UNC5B: variants seen among roughly 807,000 people sequenced by gnomAD.
UNC5B encodes unc-5 netrin receptor B.
UNC5B carries 56 observed loss-of-function variants against 103.7 expected under a neutral mutation model. The observed-to-expected ratio is 0.54, with a 90% confidence interval of 0.44 to 0.67. The LOEUF (loss-of-function observed/expected upper bound fraction) is 0.67, where lower values mean the gene tolerates loss of function less well. Among genes scored for constraint, UNC5B ranks in the 30% least tolerant of loss-of-function variants. The pLI, the probability that UNC5B is intolerant of heterozygous loss-of-function variation, is 0.00. For synonymous variants in UNC5B, 577 were observed against 542.0 expected (o/e 1.06, Z -0.90); for missense variants, 1,194 against 1,284.5 (o/e 0.93, Z 1.08).
intron 2 of UNC5B, 76 bp from the exon 3 acceptor site, chr10:71,284,644 G>A (rs1845018060): frequency 4.4e-6 from 7 of 1,594,316 alleles, no homozygotes; most frequent in South Asian, 1.1e-5. Flanking sequence ...GATCCGAGGT[G>A]GAAGGCCGGG....
intron 11 of UNC5B, 81 bp downstream of exon 11, chr10:71,292,635 C>A: frequency 1.6e-6 from 2 of 1,266,608 alleles, no homozygotes; most frequent in Non-Finnish European, 2.2e-6. Context: ...CCTTCTAAGC[C>A]TGATGCCAAG....
rs574285247 is a variant in UNC5B, at chr10:71,233,286, G to A, written c.79+20222G>A. 1.2e-3 allele frequency among the ~76,000 whole-genome samples: 188 copies of A among 152,274 alleles called. 2 individuals are homozygous for A. Among genetic ancestry groups the A allele is most frequent in the African/African-American group, 4.4e-3 (182 of 41,532 alleles). ...AGCACCGAGGAGATGAGGATCCTGA[G>A]GTGGCCCCATCCCGGGGTCCTGAGG... is the stretch of plus-strand genomic sequence containing the variant. On this transcript the variant is annotated intron_variant, in intron 1 of 16. Transcript: ENST00000335350.
intron 1 of UNC5B, among the ~76,000 whole-genome samples, chr10:71,273,844 G>A (rs1844703223): frequency 1.3e-5 from 2 of 152,220 alleles, no homozygotes; most frequent in South Asian, 4.1e-4. Flanking sequence ...CCAGAAGCAG[G>A]AAGGTGCCCT....
Position 71,295,868 on chromosome 10 carries a change from C to T in UNC5B, c.2233C>T (p.Leu745=). 1 of 1,613,284 alleles carries T rather than the reference C, an allele frequency of 6.2e-7. No homozygotes were observed. The highest frequency in any genetic ancestry group is 8.5e-7 in the Non-Finnish European group (1 of 1,180,020). ...GGYLVEEPKP[L]MFKDSYHNLR... is the part of the protein sequence containing the mutation. The stretch of plus-strand genomic sequence containing the variant: ...ATACTTGGTGGAGGAGCCGAAACCG[C>T]TAATGTTCAAGGACAGTTACCACAA... The change falls in exon 14 of 17, where the codon CTA becomes TTA. Residue 745 remains leucine, a synonymous_variant. Coordinates refer to ENST00000335350, the MANE Select transcript of UNC5B (RefSeq NM_170744.5).
In UNC5B at chr10:71,269,196, A is replaced by G. The variant is rs568305906; in HGVS notation, c.80-10625A>G. 1.1e-4 allele frequency among the ~76,000 whole-genome samples: 16 copies of G among 152,294 alleles called. No homozygotes were observed. In the East Asian group the frequency reaches 3.1e-3, roughly 29 times the overall value. ...AAAAAGTCAGAGAGGATCAACATCC[A>G]GTGTAACTCAGCTGGGGTGGGAATG... On this transcript the variant is annotated intron_variant, in intron 1 of 16. Transcript: ENST00000335350.
intron 8 of UNC5B, among the ~76,000 whole-genome samples, chr10:71,289,550 A>G (rs1845191520): frequency 2.0e-5 from 3 of 152,242 alleles, no homozygotes; most frequent in Non-Finnish European, 2.9e-5. Flanking sequence ...CAGAGCAGCA[A>G]AGCCACTTGA....
At chr10:71,227,707 TACACACACACACACACACACACACAC>T (rs57747777) in intron 1 of UNC5B, among the ~76,000 whole-genome samples, 1 of 128,054 alleles carries the variant, frequency 7.8e-6, no homozygotes, top group Non-Finnish European at 1.6e-5. Flanking sequence ...TACACACATA[TACACACACACACACACACACACACAC>T]ACACACACAC....
intron 14 of UNC5B, among the ~76,000 whole-genome samples, chr10:71,296,271 CCATCT>C (rs925149321): frequency 6.6e-6 from 1 of 152,182 alleles, no homozygotes; most frequent in African/African-American, 2.4e-5. Flanking sequence ...GGCAGACTGC[CCATCT>C]CATCTCTGAC....
chr10:71,263,643 C>A (rs1393821010), intron 1 of UNC5B, among the ~76,000 whole-genome samples: 1 of 152,170 alleles, frequency 6.6e-6, no homozygotes, highest in Non-Finnish European at 1.5e-5. Flanking sequence ...GGGAAAATGC[C>A]GAGTATTTCT....
At position 71,291,727 on chromosome 10, in the gene UNC5B, T is replaced by C. The variant is rs1845267765; in HGVS notation, c.1590T>C (p.Gly530=). 1.2e-6 allele frequency: 2 copies of C among 1,611,964 alleles called. No homozygotes were observed. Among genetic ancestry groups the C allele is most frequent in the South Asian group, 2.2e-5 (2 of 91,080 alleles). The stretch of plus-strand genomic sequence containing the variant: ...TGCACCTGCGCAGCGCCAGCCTCGG[T>C]TCCCAGCAGCTCTTGGGCCTGCCCC... ...HFLHLRSASL[G]SQQLLGLPRD... The change falls in exon 10 of 17, where the codon GGT becomes GGC. Residue 530 remains glycine (G), a synonymous_variant. Coordinates refer to ENST00000335350, the MANE Select transcript of UNC5B (RefSeq NM_170744.5).
intron 15 of UNC5B, among the ~76,000 whole-genome samples, chr10:71,297,336 G>A (rs75574890): frequency 5.3e-5 from 8 of 152,350 alleles, no homozygotes; most frequent in African/African-American, 1.9e-4. Context: ...TTTTAGGAAG[G>A]GCAAGGATTT....
intron 1 of UNC5B, among the ~76,000 whole-genome samples, chr10:71,266,861 TG>T (rs2132286422): frequency 6.6e-6 from 1 of 152,198 alleles, no homozygotes; most frequent in East Asian, 1.9e-4. Flanking sequence ...CATTTTAAAT[TG>T]TGTGTGATTC....
intron 11 of UNC5B, among the ~76,000 whole-genome samples, 171 bp from the exon 12 acceptor site, chr10:71,293,234 T>C (rs1371868279): frequency 2.0e-5 from 3 of 152,212 alleles, no homozygotes; most frequent in African/African-American, 7.2e-5. Flanking sequence ...TCAAGGTTCA[T>C]GCCATTTTCT....
intron 1 of UNC5B, among the ~76,000 whole-genome samples, chr10:71,222,717 G>T (rs549939591): frequency 6.6e-6 from 1 of 152,326 alleles, no homozygotes; most frequent in East Asian, 1.9e-4. Flanking sequence ...ACCTGGGCCT[G>T]CCCTGACCCA....
At chr10:71,237,336 A>G (rs1168190282) in intron 1 of UNC5B, among the ~76,000 whole-genome samples, 2 of 151,932 alleles carry the variant, frequency 1.3e-5, no homozygotes, top group African/African-American at 4.8e-5. Context: ...GTCTTCAACC[A>G]CAAAGTGGAA....
At chr10:71,287,549 C>T in intron 5 of UNC5B, 49 bp from the exon 6 acceptor site, 1 of 1,544,150 alleles carries the variant, frequency 6.5e-7, no homozygotes, top group Non-Finnish European at 8.7e-7. Context: ...TGGGGGAGGG[C>T]AGAGGGTTCC....
intron 2 of UNC5B, 68 bp from the exon 3 acceptor site, chr10:71,284,652 G>T: frequency 6.2e-7 from 1 of 1,600,724 alleles, no homozygotes; most frequent in South Asian, 1.1e-5. Flanking sequence ...GTGGAAGGCC[G>T]GGGGTGTCCT....
intron 1 of UNC5B, among the ~76,000 whole-genome samples, chr10:71,276,411 C>T (rs1489440242): frequency 1.3e-5 from 2 of 152,164 alleles, no homozygotes; most frequent in Admixed American, 1.3e-4. Flanking sequence ...CACTGGGGCC[C>T]AAGCCAGGGC....
intron 1 of UNC5B, among the ~76,000 whole-genome samples, chr10:71,264,252 A>G (rs1000460413): frequency 1.3e-5 from 2 of 152,360 alleles, no homozygotes; most frequent in Middle Eastern, 3.4e-3. Context: ...GAAATAATGT[A>G]GAAGATATAG....
Sources: allele counts gnomAD v4.1 joint callset (sites outside exome capture counted in the v4.1 genomes callset), GRCh38; gene constraint gnomAD v4.1.1; transcripts MANE v1.5; gene names NCBI Gene and HGNC (gene_info 2026-07-23, HGNC 2026-07-21).